The following CRADD variants were observed in gnomAD, a reference collection of about 807,000 sequenced individuals.
CRADD encodes the protein CARD and death domain containing adaptor protein.
In CRADD, 9 loss-of-function variants were observed where a neutral mutation model predicts 15.5. The ratio of observed to expected loss-of-function variants is 0.58; its 90% CI spans 0.35 to 1.01. The LOEUF is 1.01. Among genes scored for constraint, CRADD ranks in the 50% least tolerant of loss-of-function variants. The pLI is 0.02. For missense variants in CRADD, 227 were observed against 250.3 expected, an observed-to-expected ratio of 0.91 and a Z score of 0.63; for synonymous variants, 118 against 107.6, an observed-to-expected ratio of 1.10 and a Z score of -0.60.
chr12:93,845,685 A>C (rs779079152), intron 2 of CRADD, among the ~76,000 whole-genome samples: 3 of 152,170 alleles, frequency 2.0e-5, no homozygotes, highest in African/African-American at 7.2e-5. Flanking sequence ...CAAGTATTTT[A>C]TGCTATAGAA....
intron 2 of CRADD, among the ~76,000 whole-genome samples, chr12:93,858,184 C>T (rs369194977): frequency 6.6e-6 from 1 of 152,218 alleles, no homozygotes; most frequent in South Asian, 2.1e-4. Context: ...ACACAAATCC[C>T]CTCCTTATGA....
intron 2 of CRADD, among the ~76,000 whole-genome samples, chr12:93,750,882 T>G (rs1307799320): frequency 6.6e-6 from 1 of 152,106 alleles, no homozygotes; most frequent in East Asian, 1.9e-4. Flanking sequence ...GATAGAGAGG[T>G]AAACATTTTA....
At position 93,803,988 on chromosome 12, in the gene CRADD, G is replaced by A. The variant is rs189822338; in HGVS notation, c.299-45982G>A. Among the ~76,000 whole-genome samples, 219 of 152,264 alleles carry A rather than the reference G, an allele frequency of 1.4e-3. 2 individuals carry two copies. Among genetic ancestry groups the A allele is most frequent in the African/African-American group, 4.8e-3 (199 of 41,566 alleles). On this transcript the variant is annotated intron_variant, in intron 2 of 2. Coordinates refer to ENST00000332896, the MANE Select transcript of CRADD (RefSeq NM_003805.5). ...GAGCTAAGGAATACAGTCTCTAGAA[G>A]CTGGAATAAACAAGGCAATGCAATC...
chr12:93,792,733 CGAG>C (rs1957363818), intron 2 of CRADD, among the ~76,000 whole-genome samples: 1 of 152,142 alleles, frequency 6.6e-6, no homozygotes, highest in Admixed American at 6.5e-5. Context: ...CAATTACAGA[CGAG>C]GAAACTGAGA....
chr12:93,711,055 C>CCCTTTTTT, intron 2 of CRADD, among the ~76,000 whole-genome samples: 5 of 43,508 alleles, frequency 1.1e-4, no homozygotes, highest in Non-Finnish European at 1.8e-4. Context: ...CCACCCCCGC[C>CCCTTTTTT]TTTTTTTTTT....
At chr12:93,801,421 C>T (rs545916330) in intron 2 of CRADD, among the ~76,000 whole-genome samples, 22 of 152,224 alleles carry the variant, frequency 1.4e-4, no homozygotes, top group Middle Eastern at 3.4e-3. Context: ...TTTTTTGAGA[C>T]GCAGTCTCAC....
intron 2 of CRADD, among the ~76,000 whole-genome samples, chr12:93,729,711 G>T (rs919775561): frequency 6.6e-6 from 1 of 151,622 alleles, no homozygotes; most frequent in Non-Finnish European, 1.5e-5. Context: ...CTTGAACCTG[G>T]GAGGCAGAGA....
At chr12:93,697,834 G>T (rs1294703911) in intron 2 of CRADD, among the ~76,000 whole-genome samples, 1 of 152,182 alleles carries the variant, frequency 6.6e-6, no homozygotes, top group Non-Finnish European at 1.5e-5. Flanking sequence ...CAAAGAGATG[G>T]TTAAACTTGT....
Position 93,829,203 on chromosome 12 carries a change from C to T in CRADD, c.299-20767C>T, listed in dbSNP as rs957225834. Among the ~76,000 whole-genome samples, 4 of 151,420 alleles carry T rather than the reference C, an allele frequency of 2.6e-5. No individual in the cohort carries two copies. The East Asian group carries it at 5.8e-4, about 22-fold the overall frequency. ...GCAGTCTTTTACCCCTGGGAAAAGA[C>T]CACAGACACATGGGAGGGTTTGTGC... is the stretch of plus-strand genomic sequence containing the variant. On this transcript the variant is annotated intron_variant, in intron 2 of 2. Coordinates refer to ENST00000332896, the MANE Select transcript of CRADD (RefSeq NM_003805.5).
chr12:93,754,770 G>A (rs1199104335), intron 2 of CRADD, among the ~76,000 whole-genome samples: 1 of 152,080 alleles, frequency 6.6e-6, no homozygotes, highest in Non-Finnish European at 1.5e-5. Context: ...ACATCTTCCT[G>A]TCTTCTGAGG....
intron 2 of CRADD, among the ~76,000 whole-genome samples, chr12:93,835,932 G>A (rs1055242934): frequency 1.1e-4 from 17 of 152,130 alleles, no homozygotes; most frequent in Admixed American, 3.9e-4. Context: ...ACCCCTTGAG[G>A]ACCAGGTATT....
intron 2 of CRADD, among the ~76,000 whole-genome samples, chr12:93,834,514 G>A (rs949277491): frequency 6.6e-6 from 1 of 152,070 alleles, no homozygotes; most frequent in Non-Finnish European, 1.5e-5. Flanking sequence ...TTGAGACGGA[G>A]TTTCGCTTTT....
intron 2 of CRADD, among the ~76,000 whole-genome samples, chr12:93,696,513 T>C (rs960140451): frequency 6.6e-6 from 1 of 152,186 alleles, no homozygotes; most frequent in Non-Finnish European, 1.5e-5. Context: ...ATCTCACTTA[T>C]ATGTAGAATC....
At chr12:93,722,489 A>G (rs1956281984) in intron 2 of CRADD, among the ~76,000 whole-genome samples, 1 of 151,794 alleles carries the variant, frequency 6.6e-6, no homozygotes, top group African/African-American at 2.4e-5. Flanking sequence ...TAAACCTTGT[A>G]TACTTGTCCC....
At chr12:93,763,331 C>G (rs1196484746) in intron 2 of CRADD, among the ~76,000 whole-genome samples, 1 of 151,524 alleles carries the variant, frequency 6.6e-6, no homozygotes, top group Non-Finnish European at 1.5e-5. Flanking sequence ...CTTGGGGTGA[C>G]CCAAGAGAAA....
intron 2 of CRADD, among the ~76,000 whole-genome samples, chr12:93,877,158 CCAAA>C (rs1220063235): frequency 6.6e-6 from 1 of 152,218 alleles, no homozygotes; most frequent in Non-Finnish European, 1.5e-5. Context: ...CCGTACTTAA[CCAAA>C]CAAACAGTCT....
intron 2 of CRADD, chr12:93,846,610 A>G (rs3847790): frequency 0.42 from 63,780 of 151,308 alleles, 13,878 homozygotes; most frequent in East Asian, 0.66. Context: ...ACACACACAC[A>G]CACACACACA....
intron 2 of CRADD, among the ~76,000 whole-genome samples, chr12:93,737,351 T>C (rs2136922910): frequency 6.6e-6 from 1 of 152,352 alleles, no homozygotes; most frequent in African/African-American, 2.4e-5. Context: ...ATAGCTTGAA[T>C]GGTATTTTTG....
rs1227601890 is a variant in CRADD, at chr12:93,850,125, C to T, written c.454C>T (p.His152Tyr). The change falls in exon 3 of 3, where the codon CAC (histidine) becomes TAC (tyrosine). Residue 152 changes from histidine (H) to tyrosine (Y), a missense_variant. Coordinates refer to ENST00000332896, the MANE Select transcript of CRADD (RefSeq NM_003805.5). This position sits in a 1 kb window ranked among gnomAD's most constrained non-coding sequence, Gnocchi z 4.0. ...GGATATCTACCGCTGTAAGGCCAAC[C>T]ACCCCCACAACGTGCAGTCGCAGGT... ...QTDIYRCKAN[H>Y]PHNVQSQVVE... 1.2e-6 allele frequency: 2 copies of T among 1,614,180 alleles called. No individual in the cohort carries two copies. The highest frequency in any genetic ancestry group is 2.2e-5 in the East Asian group (1 of 44,882).
Sources: allele counts gnomAD v4.1 joint callset (sites outside exome capture counted in the v4.1 genomes callset), GRCh38; gene constraint gnomAD v4.1.1; non-coding constraint Gnocchi (gnomAD v3.1); transcripts MANE v1.5; gene names NCBI Gene and HGNC (gene_info 2026-07-23, HGNC 2026-07-21).